CENPF: variants seen among roughly 807,000 people sequenced by gnomAD.
The protein encoded by CENPF is AH antigen.
CENPF carries 214 observed loss-of-function variants against 307.3 expected under a neutral mutation model. The observed-to-expected ratio is 0.70, with a 90% CI of 0.62 to 0.78. The LOEUF (loss-of-function observed/expected upper bound fraction) is 0.78. Among genes scored for constraint, CENPF ranks in the 30% least tolerant of loss-of-function variants. The pLI is 0.00. For missense variants in CENPF, 3,401 were observed against 3,483.9 expected, an observed-to-expected ratio of 0.98 and a Z score of 0.60; for synonymous variants, 1,259 against 1,270.6, an observed-to-expected ratio of 0.99 and a Z score of 0.19.
intron 11 of CENPF, among the ~76,000 whole-genome samples, chr1:214,638,982 TG>T (rs1658034016): frequency 6.6e-6 from 1 of 152,340 alleles, no homozygotes; most frequent in East Asian, 1.9e-4. Context: ...CACAGCAAAG[TG>T]GGATGAAGCC....
chr1:214,663,257 C>T (rs1205531328), intron 19 of CENPF, among the ~76,000 whole-genome samples: 2 of 152,182 alleles, frequency 1.3e-5, no homozygotes, highest in Non-Finnish European at 2.9e-5. Context: ...CTAGTTAGGA[C>T]AACAGAGGCA....
intron 16 of CENPF, among the ~76,000 whole-genome samples, chr1:214,654,675 A>T (rs1431035934): frequency 1.3e-5 from 2 of 151,898 alleles, no homozygotes; most frequent in Non-Finnish European, 1.5e-5. Flanking sequence ...TGATTTGGGA[A>T]TTGTGAATAA....
chr1:214,662,648 T>G (rs535931788), intron 19 of CENPF, among the ~76,000 whole-genome samples: 2 of 152,302 alleles, frequency 1.3e-5, no homozygotes, highest in African/African-American at 2.4e-5. Context: ...CCCTTCTCCT[T>G]TCTCTTTGAA....
chr1:214,646,119 A>G lies in CENPF; in HGVS notation c.6549A>G (p.Glu2183=). 1 of 1,614,114 alleles carries G rather than the reference A, an allele frequency of 6.2e-7. No homozygotes were observed. Among genetic ancestry groups the G allele is most frequent in the South Asian group, 1.1e-5 (1 of 91,082 alleles). Residue 2183 remains glutamate, a synonymous_variant, in exon 13 of 20, where the codon GAA becomes GAG. Transcript: ENST00000366955. ...TTGATGCCGAGAATTCCAAAGCAGA[A>G]GTAGAGACTCTAAAAACACAAATAG... ...VILDAENSKA[E]VETLKTQIEE... is the part of the protein sequence containing the mutation.
chr1:214,611,796 A>T (rs376024865), intron 1 of CENPF, among the ~76,000 whole-genome samples: 1 of 152,218 alleles, frequency 6.6e-6, no homozygotes, highest in East Asian at 1.9e-4. Flanking sequence ...TTGTCAGTGT[A>T]TAGGAATGCT....
rs763546631 is a variant in CENPF, at chr1:214,651,732, T to C, written c.8006T>C (p.Leu2669Pro). Residue 2669 changes from leucine to proline, a missense_variant, in exon 15 of 20, where the codon CTA (leucine) becomes CCA (proline). Transcript: ENST00000366955. Reference sequence around the variant, plus strand: ...TAGGATCAATTGAAGGAGCTCACACTAGAAAATAGTGAATTGAAGAAGAGC... The same window carrying C: ...TAGGATCAATTGAAGGAGCTCACACCAGAAAATAGTGAATTGAAGAAGAGC... ...SSKDQLKELT[L>P]ENSELKKSLD... is the part of the protein sequence containing the mutation. 5 of 1,597,808 alleles carry C rather than the reference T, an allele frequency of 3.1e-6. No homozygotes were observed. The African/African-American group carries it at 6.8e-5, about 22-fold the overall frequency.
rs758656373 is a variant in CENPF, at chr1:214,645,709, C to A, written c.6139C>A (p.Leu2047Met). The A allele has an allele frequency of 6.2e-7, 1 of 1,614,178 alleles. No individual in the cohort carries two copies. Among genetic ancestry groups the A allele is most frequent in the Non-Finnish European group, 8.5e-7 (1 of 1,180,032 alleles). The change falls in exon 13 of 20, where the codon CTG becomes ATG. Residue 2047 changes from leucine (L) to methionine (M), a missense_variant. Transcript: ENST00000366955. ...LQSLEKDSQA[L>M]SLTKCELENQ... Reference sequence around the variant, plus strand: ...GAGTTTGGAAAAGGACTCACAGGCACTGTCTTTGACAAAATGTGAGCTGGA... The same window carrying A: ...GAGTTTGGAAAAGGACTCACAGGCAATGTCTTTGACAAAATGTGAGCTGGA...
intron 11 of CENPF, 58 bp from the exon 12 acceptor site, chr1:214,639,863 T>C (rs1658058191): frequency 7.7e-7 from 1 of 1,297,008 alleles, no homozygotes; most frequent in African/African-American, 1.5e-5. Context: ...GGGGTTAGCG[T>C]TTCTGTAGAA....
At chr1:214,621,056 C>A (rs917897426) in intron 6 of CENPF, 110 bp downstream of exon 6, 2 of 935,386 alleles carry the variant, frequency 2.1e-6, no homozygotes, top group Admixed American at 2.4e-5. Flanking sequence ...TTAGGCACAT[C>A]GGTGTTCAAC....
In CENPF at chr1:214,614,217, C is replaced by T. The variant is rs113083112; in HGVS notation, c.162+301C>T. Among the ~76,000 whole-genome samples the T allele has an allele frequency of 3.4e-3, 515 of 151,564 alleles. 7 individuals are homozygous for T. The highest frequency in any genetic ancestry group is 0.012 in the African/African-American group (487 of 41,196). ...TTAGGGCTATTGAGTTCCATTTCAACTTCCATGTGGGACCATGAATTGGAG... is the reference window on the plus strand; with the variant it reads ...TTAGGGCTATTGAGTTCCATTTCAATTTCCATGTGGGACCATGAATTGGAG... On this transcript the variant is annotated intron_variant, in intron 2 of 19. Transcript: ENST00000366955.
At chr1:214,619,447 A>G (rs1657447632) in intron 5 of CENPF, among the ~76,000 whole-genome samples, 1 of 152,190 alleles carries the variant, frequency 6.6e-6, no homozygotes, top group Non-Finnish European at 1.5e-5. Context: ...TAAATATTAA[A>G]TGTTCATATA....
chr1:214,617,505 T>A (rs1346987791), intron 3 of CENPF, among the ~76,000 whole-genome samples: 2 of 152,078 alleles, frequency 1.3e-5, no homozygotes, highest in Non-Finnish European at 2.9e-5. Flanking sequence ...TTAATGTGGG[T>A]TTTTTGGTTT....
intron 19 of CENPF, among the ~76,000 whole-genome samples, chr1:214,662,599 T>C (rs1436229918): frequency 6.6e-6 from 1 of 152,188 alleles, no homozygotes; most frequent in Non-Finnish European, 1.5e-5. Flanking sequence ...TCCCAGCAAC[T>C]GTGCTGGACA....
In CENPF at chr1:214,646,868, A is replaced by C. The variant is rs373848264; in HGVS notation, c.7298A>C (p.Lys2433Thr). 6.2e-7 allele frequency: 1 copy of C among 1,613,578 alleles called. No homozygotes were observed. The highest frequency in any genetic ancestry group is 8.5e-7 in the Non-Finnish European group (1 of 1,179,892). ...QEKEQEKVQM[K>T]EKSSTAMEML... ...AAAGAGCAAGAGAAAGTACAGATGA[A>C]AGAAAAATCAAGCACTGCCATGGAG... Residue 2433 changes from lysine to threonine, a missense_variant, in exon 13 of 20, where the codon AAA becomes ACA. By Grantham distance (78) the Lys-to-Thr change is moderately conservative. Transcript: ENST00000366955.
intron 1 of CENPF, among the ~76,000 whole-genome samples, chr1:214,610,597 A>T (rs1404381056): frequency 6.6e-6 from 1 of 151,560 alleles, no homozygotes; most frequent in Admixed American, 6.6e-5. Context: ...CCTTTATCAG[A>T]TGCATAGTTT....
chr1:214,616,910 TTTCTTTCTTTC>T (rs1657370149), intron 3 of CENPF, among the ~76,000 whole-genome samples: 7 of 77,684 alleles, frequency 9.0e-5, no homozygotes, highest in African/African-American at 3.4e-4. Context: ...TCTTTCTTTC[TTTCTTTCTTTC>T]TTCTTTCTTT....
intron 13 of CENPF, 123 bp downstream of exon 13, chr1:214,647,523 G>T: frequency 8.9e-7 from 1 of 1,118,662 alleles, no homozygotes; most frequent in Non-Finnish European, 1.2e-6. Flanking sequence ...ACCAAACTTT[G>T]TAAAGGCTTT....
rs773385829 is a variant in CENPF, at chr1:214,646,739, T to C, written c.7169T>C (p.Ile2390Thr). 2.5e-6 allele frequency: 4 copies of C among 1,613,774 alleles called. No homozygotes were observed. In the African/African-American group the frequency reaches 5.3e-5, roughly 22 times the overall value. The change falls in exon 13 of 20, where the codon ATA becomes ACA. Residue 2390 changes from isoleucine (I) to threonine (T), a missense_variant. Ile to Thr is a moderately conservative substitution (Grantham distance 89, BLOSUM62 -1). Transcript: ENST00000366955. Reference protein sequence around the residue: ...LRGLELDVVTIRSEKENLTNE... With the variant: ...LRGLELDVVTTRSEKENLTNE... ...GGTCTGGAATTAGATGTTGTTACTA[T>C]AAGGTCAGAAAAAGAAAATCTGACA...
chr1:214,659,691 T>C lies in CENPF; in HGVS notation c.9141+663T>C, dbSNP rs531320693. The stretch of plus-strand genomic sequence containing the variant: ...AAAGTATATGCATTTTATTTATCTT[T>C]CTCATTTTATTGAACTCTCACAGTA... On this transcript the variant is annotated intron_variant, in intron 19 of 19. Coordinates refer to ENST00000366955, the MANE Select transcript of CENPF (RefSeq NM_016343.4). This position sits in a 1 kb window ranked among gnomAD's most constrained non-coding sequence, Gnocchi z 4.4. Among the ~76,000 whole-genome samples, 3 of 152,230 alleles carry C rather than the reference T, an allele frequency of 2.0e-5. No individual in the cohort carries two copies. Among genetic ancestry groups the C allele is most frequent in the Admixed American group, 6.5e-5 (1 of 15,282 alleles).
Sources: gnomAD v4.1 joint callset for allele counts (sites outside exome capture counted in the v4.1 genomes callset) on GRCh38, gnomAD v4.1.1 for gene constraint, Gnocchi (gnomAD v3.1) non-coding constraint, MANE v1.5 for transcripts, NCBI Gene and HGNC (gene_info 2026-07-23, HGNC 2026-07-21) for gene names.